DNAAF9: variants seen among roughly 807,000 people sequenced by gnomAD.
DNAAF9 encodes dynein axonemal assembly factor 9.
In DNAAF9, 90 loss-of-function variants were observed where a neutral mutation model predicts 167.0. The observed-to-expected ratio is 0.54, with a 90% CI of 0.45 to 0.64. The LOEUF is 0.64. Ranked by LOEUF, DNAAF9 falls within the 30% of genes least tolerant of loss-of-function variation. DNAAF9 has a pLI of 0.00. For synonymous variants in DNAAF9, 491 were observed against 508.8 expected, an observed-to-expected ratio of 0.96 and a Z score of 0.47; for missense variants, 1,315 against 1,442.2, an observed-to-expected ratio of 0.91 and a Z score of 1.43.
intron 10 of DNAAF9, among the ~76,000 whole-genome samples, chr20:3,336,932 G>A (rs2069967155): frequency 6.8e-6 from 1 of 146,434 alleles, no homozygotes; most frequent in Non-Finnish European, 1.5e-5. Flanking sequence ...CCAGGCTGGA[G>A]GCAGTGGCAC....
At chr20:3,379,182 T>C (rs1312660086) in intron 3 of DNAAF9, among the ~76,000 whole-genome samples, 1 of 151,816 alleles carries the variant, frequency 6.6e-6, no homozygotes, top group East Asian at 1.9e-4. Flanking sequence ...AACATAGTAG[T>C]TACTAAACCT....
At chr20:3,387,353 C>T (rs913498641) in intron 1 of DNAAF9, among the ~76,000 whole-genome samples, 9 of 152,144 alleles carry the variant, frequency 5.9e-5, no homozygotes, top group Admixed American at 4.6e-4. Context: ...CAAACCCTCA[C>T]ATACCTGGTC....
rs1221257252 is a variant in DNAAF9 at position 3,268,933 on chromosome 20, T to C, written c.2786+1494A>G. ...TTTTTTTTTTTTTTGAGACAGAGGCTCTGTTGCCCAGGCTGGCTGGAGTGC... is the reference window on the plus strand; with the variant it reads ...TTTTTTTTTTTTTTGAGACAGAGGCCCTGTTGCCCAGGCTGGCTGGAGTGC... On this transcript the variant is annotated intron_variant, in intron 30 of 36. Transcript: ENST00000252032. 2.4e-5 allele frequency among the ~76,000 whole-genome samples: 3 copies of C among 126,994 alleles called. No homozygotes were observed. In the East Asian group the frequency reaches 7.6e-4, roughly 32 times the overall value. The allele number at this position is 126,994 out of a possible 152,430, so 83.3% of individuals were successfully genotyped here. A position where few individuals can be genotyped will look rare whatever the true frequency, so the allele number is the denominator to read the frequency against.
intron 6 of DNAAF9, among the ~76,000 whole-genome samples, chr20:3,366,993 T>C (rs775793024): frequency 5.9e-5 from 9 of 152,140 alleles, no homozygotes; most frequent in African/African-American, 9.7e-5. Context: ...CATCGTCTTC[T>C]TATACAAGGC....
At chr20:3,368,123 T>C (rs2083453629) in intron 6 of DNAAF9, among the ~76,000 whole-genome samples, 1 of 152,148 alleles carries the variant, frequency 6.6e-6, no homozygotes, top group African/African-American at 2.4e-5. Flanking sequence ...TGATCAGTAT[T>C]CTGCTGAGTA....
At chr20:3,297,490 T>C (rs2069102335) in intron 22 of DNAAF9, among the ~76,000 whole-genome samples, 1 of 152,234 alleles carries the variant, frequency 6.6e-6, no homozygotes, top group Admixed American at 6.5e-5. Context: ...CAAGCTGCTG[T>C]AATCACACCT....
At chr20:3,297,019 T>A in intron 22 of DNAAF9, 70 bp from the exon 23 acceptor site, 1 of 843,192 alleles carries the variant, frequency 1.2e-6, no homozygotes, top group Non-Finnish European at 2.0e-6. Context: ...CACATGGGGA[T>A]TTGATGGTTG....
intron 31 of DNAAF9, among the ~76,000 whole-genome samples, chr20:3,263,608 A>T (rs1325947878): frequency 1.3e-5 from 2 of 152,184 alleles, no homozygotes; most frequent in Admixed American, 6.5e-5. Context: ...CTGTAAAATG[A>T]TAAAATAACG....
intron 21 of DNAAF9, among the ~76,000 whole-genome samples, chr20:3,299,388 C>T (rs533101798): frequency 5.3e-5 from 8 of 151,034 alleles, no homozygotes; most frequent in African/African-American, 1.7e-4. Context: ...TCTTGGCTGA[C>T]TGGCCTCCGC....
rs373767188 is a variant in DNAAF9 at position 3,315,062 on chromosome 20, G to C, written c.1649C>G (p.Ser550Cys). 6.2e-7 allele frequency: 1 copy of C among 1,610,764 alleles called. No homozygotes were observed. Among genetic ancestry groups the C allele is most frequent in the African/African-American group, 1.3e-5 (1 of 74,814 alleles). Residue 550 changes from serine (S) to cysteine (C), a missense_variant, in exon 20 of 37, where the codon TCC (serine) becomes TGC (cysteine). Around this residue, in one of 2 missense-constraint regions of DNAAF9, gnomAD observed 981 missense variants for 1,012.5 expected, o/e 0.97. Coordinates refer to ENST00000252032, the MANE Select transcript of DNAAF9 (RefSeq NM_001009984.3). This position sits in a 1 kb window ranked among gnomAD's most constrained non-coding sequence, Gnocchi z 4.1. Reference protein sequence around the residue: ...LTGGEGAYLYSSNLQSWPEEG... With the variant: ...LTGGEGAYLYCSNLQSWPEEG... ...CTCAGGCCAGGACTGTAGATTGCTG[G>C]AATAAAGATATGCTCCTTCTCCTCC...
At chr20:3,288,515 C>T (rs2068892178) in intron 26 of DNAAF9, among the ~76,000 whole-genome samples, 1 of 152,124 alleles carries the variant, frequency 6.6e-6, no homozygotes, top group Non-Finnish European at 1.5e-5. Context: ...ACACTAGACA[C>T]GAGGAACTGG....
chr20:3,395,365 C>T (rs1195649615), intron 1 of DNAAF9, among the ~76,000 whole-genome samples: 14 of 151,970 alleles, frequency 9.2e-5, no homozygotes, highest in Non-Finnish European at 1.9e-4. Context: ...ACTGCAACCT[C>T]CACCACCCAG....
chr20:3,300,678 AAATAATAATAATAATAATAATAAT>A (rs34199778), intron 21 of DNAAF9, among the ~76,000 whole-genome samples: 1,548 of 134,078 alleles, frequency 0.012, 34 homozygotes, highest in African/African-American at 0.04. Flanking sequence ...GACTCCATCT[AAATAATAATAATAATAATAATAAT>A]AATAATAATA....
intron 17 of DNAAF9, among the ~76,000 whole-genome samples, chr20:3,318,016 C>T (rs1600771930): frequency 1.3e-5 from 2 of 151,878 alleles, no homozygotes; most frequent in Admixed American, 1.3e-4. Flanking sequence ...GCTCATTTTA[C>T]TATTGGGTAG....
rs2068275411 is a variant in DNAAF9 at position 3,256,099 on chromosome 20, G to C, written c.3168C>G (p.Asp1056Glu). Reference sequence around the variant, plus strand: ...GGTAGCACTCCTGCTGCCCGCTGCTGTCTTGAGATACGCTTTTGGAGTCTG... The same window carrying C: ...GGTAGCACTCCTGCTGCCCGCTGCTCTCTTGAGATACGCTTTTGGAGTCTG... ...PPPDSKSVSQDSSGQQECYLV... is the reference protein window; with the variant it reads ...PPPDSKSVSQESSGQQECYLV... Residue 1056 changes from aspartate (D) to glutamate (E), a missense_variant, in exon 34 of 37, where the codon GAC becomes GAG. Physicochemically the swap from Asp to Glu is conservative, Grantham distance 45. Coordinates refer to ENST00000252032, the MANE Select transcript of DNAAF9 (RefSeq NM_001009984.3). 2 of 1,614,068 alleles carry C rather than the reference G, an allele frequency of 1.2e-6. No individual in the cohort carries two copies. The highest frequency in any genetic ancestry group is 1.3e-5 in the African/African-American group (1 of 74,942).
chr20:3,259,276 G>C (rs555561825), intron 33 of DNAAF9, among the ~76,000 whole-genome samples: 20 of 152,354 alleles, frequency 1.3e-4, no homozygotes, highest in African/African-American at 4.8e-4. Flanking sequence ...CTCTGCCATG[G>C]AACAGGAGGA....
Position 3,259,545 on chromosome 20 carries a change from G to A in DNAAF9, c.2990C>T (p.Ser997Phe). 6.2e-7 allele frequency: 1 copy of A among 1,611,112 alleles called. No homozygotes were observed. Among genetic ancestry groups the A allele is most frequent in the Non-Finnish European group, 8.5e-7 (1 of 1,177,228 alleles). ...RFVAKCKAIQ[S>F]SIKPSPFSGN... The stretch of plus-strand genomic sequence containing the variant: ...GGAGAAGGGACTTGGCTTGATGGAG[G>A]ACTGAATTGCTGGTGGAAGAAGAGG... Residue 997 changes from serine (S) to phenylalanine (F), a missense_variant, in exon 33 of 37, where the codon TCC becomes TTC. Physicochemically the swap from Ser to Phe is radical, Grantham distance 155. This residue lies in a region of DNAAF9 where 334 missense variants were observed against 429.7 expected (regional missense o/e 0.78). Coordinates refer to ENST00000252032, the MANE Select transcript of DNAAF9 (RefSeq NM_001009984.3).
chr20:3,324,874 A>T lies in DNAAF9; in HGVS notation c.1265+18T>A. On this transcript the variant is annotated intron_variant, in intron 14 of 36. Transcript: ENST00000252032. ...GAAGAAAAAAAATTCCTTATAAAAAATATCAGCCATTGCTTACCGCAGGGC... is the reference window on the plus strand; with the variant it reads ...GAAGAAAAAAAATTCCTTATAAAAATTATCAGCCATTGCTTACCGCAGGGC... 2 of 1,366,848 alleles carry T rather than the reference A, an allele frequency of 1.5e-6. No individual in the cohort carries two copies. The highest frequency in any genetic ancestry group is 2.1e-6 in the Non-Finnish European group (2 of 973,168). The allele number at this position is 1,366,848 out of a possible 1,614,324, so 84.7% of individuals were successfully genotyped here. A position where few individuals can be genotyped will look rare whatever the true frequency, so the allele number is the denominator to read the frequency against.
chr20:3,322,657 C>T lies in DNAAF9; in HGVS notation c.1305G>A (p.Gln435=). Reference sequence around the variant, plus strand: ...CACCACAATCATATACGCACCTTCCCTGATTATTCACAGCATGTATATGAA... The same window carrying T: ...CACCACAATCATATACGCACCTTCCTTGATTATTCACAGCATGTATATGAA... The part of the protein sequence containing the change: ...MTFHIHAVNN[Q]GRIVPLDSED... The change falls in exon 15 of 37, where the codon CAG becomes CAA. Residue 435 remains glutamine, a synonymous_variant. Transcript: ENST00000252032. 3 of 1,611,918 alleles carry T rather than the reference C, an allele frequency of 1.9e-6. No homozygotes were observed. The highest frequency in any genetic ancestry group is 2.5e-6 in the Non-Finnish European group (3 of 1,177,948).
Sources: gnomAD v4.1 joint callset for allele counts (sites outside exome capture counted in the v4.1 genomes callset) on GRCh38, gnomAD v4.1.1 for gene constraint, gnomAD v4.1.1 regional missense constraint, Gnocchi (gnomAD v3.1) non-coding constraint, MANE v1.5 for transcripts, NCBI Gene and HGNC (gene_info 2026-07-23, HGNC 2026-07-21) for gene names.